DMD: variants seen among roughly 807,000 people sequenced by gnomAD.
DMD encodes mutant dystrophin.
Under a neutral mutation model 330.1 loss-of-function variants are expected in DMD, and 63 were observed. That is an observed-to-expected ratio of 0.19 (90% CI 0.16 to 0.24). DMD has a LOEUF of 0.24. Among genes scored for constraint, DMD ranks in the 10% least tolerant of loss-of-function variants. DMD has a pLI of 1.00. For synonymous variants in DMD, 1,223 were observed against 959.8 expected (o/e 1.27, Z -5.07); for missense variants, 3,344 against 2,684.1 (o/e 1.25, Z -5.43).
chrX:31,431,405 T>C (rs770021238), intron 60 of DMD, among the ~76,000 whole-genome samples: 2 of 111,594 alleles, frequency 1.8e-5, no homozygotes, highest in Admixed American at 1.9e-4. Context: ...ATTATGATTA[T>C]TATTATTTTG....
At chrX:33,201,512 G>A (rs1162988513) in intron 1 of DMD, among the ~76,000 whole-genome samples, 1 of 111,085 alleles carries the variant, frequency 9.0e-6, no homozygotes, top group Non-Finnish European at 1.9e-5. Flanking sequence ...AACTCCAGGG[G>A]TGTCATTTAC....
intron 44 of DMD, among the ~76,000 whole-genome samples, chrX:32,039,127 G>A (rs189235751): frequency 2.3e-4 from 25 of 110,935 alleles, no homozygotes; most frequent in African/African-American, 6.5e-4. Flanking sequence ...TGTAAAGGAG[G>A]GGGGGATATT....
chrX:33,054,257 A>C (rs1419273844), intron 1 of DMD, among the ~76,000 whole-genome samples: 1 of 112,080 alleles, frequency 8.9e-6, no homozygotes, highest in African/African-American at 3.2e-5. Context: ...GTTTATTACG[A>C]ATGTTTCTAT....
rs5901988 is a variant in DMD at position 31,456,836 on chromosome X, ATGTGTGTG to A, written c.8938-12217_8938-12210del. ...TCCACTAGATACTGTGCCCACATAT[ATGTGTGTG>A]TGTGTGTGTGTGTGTGTGTGTGTGT... On this transcript the variant is annotated intron_variant, in intron 59 of 78. Coordinates refer to ENST00000357033, the MANE Select transcript of DMD (RefSeq NM_004006.3). 6.6e-3 allele frequency among the ~76,000 whole-genome samples: 547 copies of A among 83,241 alleles called. 3 individuals are homozygous for A. Among genetic ancestry groups the A allele is most frequent in the African/African-American group, 0.018 (383 of 21,435 alleles). The allele number at this position is 83,241 out of a possible 115,157, so 72.3% of individuals were successfully genotyped here.
rs190105126 is a variant in DMD at position 32,880,831 on chromosome X, C to A, written c.94-31011G>T. ...TGGTGACGCATGCCTGTAATCCCAG[C>A]TACTCAGGAGGCTGAGGCAGGAGAA... On this transcript the variant is annotated intron_variant, in intron 2 of 78. Coordinates refer to ENST00000357033, the MANE Select transcript of DMD (RefSeq NM_004006.3). Among the ~76,000 whole-genome samples, 3 of 112,405 alleles carry A rather than the reference C, an allele frequency of 2.7e-5. No homozygotes were observed. The East Asian group carries it at 8.4e-4, about 32-fold the overall frequency.
intron 6 of DMD, among the ~76,000 whole-genome samples, chrX:32,813,946 A>G (rs976091300): frequency 6.3e-5 from 7 of 111,977 alleles, no homozygotes; most frequent in Admixed American, 9.5e-5. Context: ...TTTTCATACT[A>G]TGGAGTAAAT....
chrX:33,073,832 CAAATAAATAAATAAATAAAT>C (rs5902051), intron 1 of DMD, among the ~76,000 whole-genome samples: 7 of 99,297 alleles, frequency 7.0e-5, no homozygotes, highest in African/African-American at 1.5e-4. Flanking sequence ...AACTCTGTCT[CAAATAAATAAATAAATAAAT>C]AAATAAATAA....
chrX:32,500,611 A>T, intron 19 of DMD, among the ~76,000 whole-genome samples: 1 of 111,904 alleles, frequency 8.9e-6, no homozygotes, highest in South Asian at 3.7e-4. Context: ...TTTAGATCAC[A>T]TAATTTTATT....
At chrX:31,483,936 C>A (rs1488283583) in intron 57 of DMD, among the ~76,000 whole-genome samples, 2 of 111,418 alleles carry the variant, frequency 1.8e-5, no homozygotes, top group Admixed American at 1.9e-4. Context: ...AGACACTGTT[C>A]TAGGCAATGA....
chrX:33,281,839 G>C (rs1381876644), intron 1 of DMD, among the ~76,000 whole-genome samples: 1 of 107,305 alleles, frequency 9.3e-6, no homozygotes, highest in Non-Finnish European at 1.9e-5. Context: ...AGTGATGCTG[G>C]TACTCTCAAA....
chrX:31,870,559 T>C (rs1356485107), intron 48 of DMD, among the ~76,000 whole-genome samples: 1 of 112,012 alleles, frequency 8.9e-6, no homozygotes, highest in Non-Finnish European at 1.9e-5. Context: ...CAGAATTGAG[T>C]TCAATCTGTC....
chrX:32,296,354 G>A (rs1001246225), intron 42 of DMD, among the ~76,000 whole-genome samples: 3 of 111,066 alleles, frequency 2.7e-5, no homozygotes, highest in African/African-American at 6.6e-5. Flanking sequence ...CTGTGCCACC[G>A]CACTCCAGCC....
chrX:32,191,147 T>C (rs2096973449), intron 44 of DMD, among the ~76,000 whole-genome samples: 1 of 111,736 alleles, frequency 8.9e-6, no homozygotes, highest in African/African-American at 3.3e-5. Context: ...TTGAAAGTTC[T>C]GATATTTAGA....
intron 17 of DMD, 100 bp downstream of exon 17, chrX:32,545,059 G>T: frequency 3.6e-6 from 3 of 841,014 alleles, no homozygotes; most frequent in Non-Finnish European, 5.2e-6. Flanking sequence ...GGTACCCGAG[G>T]ATTCTGGAAA....
chrX:32,913,407 A>C (rs1288007541), intron 2 of DMD, among the ~76,000 whole-genome samples: 1 of 112,308 alleles, frequency 8.9e-6, no homozygotes, highest in East Asian at 2.8e-4. Context: ...TTTAATCAAA[A>C]TTTATACTAA....
At position 31,497,789 on chromosome X, in the gene DMD, C is replaced by T. The variant is rs573597677; in HGVS notation, c.8391-845G>A. Among the ~76,000 whole-genome samples, 4 of 112,244 alleles carry T rather than the reference C, an allele frequency of 3.6e-5. No individual in the cohort carries two copies. The Admixed American group carries it at 3.8e-4, about 11-fold the overall frequency. On this transcript the variant is annotated intron_variant, in intron 56 of 78. Transcript: ENST00000357033. ...CATCATCCAGAAAACAAAGAGGAAA[C>T]GCAGTGTTAGCAAAGCTTTATCTTC... is the stretch of plus-strand genomic sequence containing the variant.
chrX:33,102,798 A>G (rs1038294038), intron 1 of DMD, among the ~76,000 whole-genome samples: 5 of 112,057 alleles, frequency 4.5e-5, no homozygotes, highest in African/African-American at 1.3e-4. Flanking sequence ...ATGTACATAT[A>G]TATCTACATA....
chrX:31,868,257 T>G (rs936471204), intron 48 of DMD, among the ~76,000 whole-genome samples: 7 of 112,281 alleles, frequency 6.2e-5, no homozygotes, highest in African/African-American at 2.3e-4. Flanking sequence ...GTTTAAAATA[T>G]TCCTCATGTT....
At chrX:32,574,043 C>G (rs1325770623) in intron 13 of DMD, among the ~76,000 whole-genome samples, 197 bp from the exon 14 acceptor site, 1 of 111,924 alleles carries the variant, frequency 8.9e-6, no homozygotes, top group Non-Finnish European at 1.9e-5. Context: ...AGTCTTGTAC[C>G]TTTCATAGAA....
Sources: allele counts gnomAD v4.1 joint callset (sites outside exome capture counted in the v4.1 genomes callset), GRCh38; gene constraint gnomAD v4.1.1; transcripts MANE v1.5; gene names NCBI Gene and HGNC (gene_info 2026-07-23, HGNC 2026-07-21).